The following FAM83H variants were observed in gnomAD, a reference collection of about 807,000 sequenced individuals.
FAM83H encodes the protein protein FAM83H.
In FAM83H, 24 loss-of-function variants were observed where a neutral mutation model predicts 30.2. The observed-to-expected ratio is 0.79, with a 90% CI of 0.57 to 1.12. The LOEUF (loss-of-function observed/expected upper bound fraction) is 1.12. Ranked by LOEUF, FAM83H falls within the 50% of genes most tolerant of loss-of-function variation. The pLI is 0.00. For missense variants in FAM83H, 2,038 were observed against 1,773.9 expected, an observed-to-expected ratio of 1.15 and a Z score of -2.67; for synonymous variants, 1,013 against 821.7, an observed-to-expected ratio of 1.23 and a Z score of -3.98.
In FAM83H at chr8:143,725,328, G is replaced by T. The variant is rs945812563; in HGVS notation, c.*593C>A. The T allele has an allele frequency of 6.2e-6, 1 of 162,580 alleles. No homozygotes were observed. Among genetic ancestry groups the T allele is most frequent in the Non-Finnish European group, 1.4e-5 (1 of 73,980 alleles). 10.1% of individuals were successfully genotyped at this position (162,580 alleles called of 1,614,324 possible). On this transcript the variant is annotated 3_prime_UTR_variant, in exon 5 of 5. Transcript: ENST00000388913. ...GATAGGGGACTTAGCGGGGTGCAAG[G>T]CTCACGCCTGTAATCCCCCCACTTT...
Position 143,726,108 on chromosome 8 carries a change from C to G in FAM83H, c.3353G>C (p.Arg1118Pro), listed in dbSNP as rs562853347. Reference sequence around the variant, plus strand: ...CATGCTCTCCATGCGGCGCAGCAGCCGATCGCGCTCCTCCGCGCTGGCTGG... The same window carrying G: ...CATGCTCTCCATGCGGCGCAGCAGCGGATCGCGCTCCTCCGCGCTGGCTGG... ...TLPASAEERD[R>P]LLRRMESMRK... The change falls in exon 5 of 5, where the codon CGG becomes CCG. Residue 1118 changes from arginine (R) to proline (P), a missense_variant. By Grantham distance (103) the Arg-to-Pro change is moderately radical. Coordinates refer to ENST00000388913, the MANE Select transcript of FAM83H (RefSeq NM_198488.5). 2 of 1,611,408 alleles carry G rather than the reference C, an allele frequency of 1.2e-6. No homozygotes were observed. Among genetic ancestry groups the G allele is most frequent in the Non-Finnish European group, 1.7e-6 (2 of 1,179,298 alleles).
Position 143,727,164 on chromosome 8 carries a change from G to A in FAM83H, c.2297C>T (p.Ser766Phe). 1 of 1,534,434 alleles carries A rather than the reference G, an allele frequency of 6.5e-7. No individual in the cohort carries two copies. Among genetic ancestry groups the A allele is most frequent in the Non-Finnish European group, 8.7e-7 (1 of 1,146,086 alleles). The change falls in exon 5 of 5, where the codon TCC (serine) becomes TTC (phenylalanine). Residue 766 changes from serine (S) to phenylalanine (F), a missense_variant. Ser to Phe is a radical substitution (Grantham distance 155). Transcript: ENST00000388913. ...CGCCACCTCTTCCCGCCACGCCTGG[G>A]ACACGACGGCCTTGCTGTGGCTGGC... is the stretch of plus-strand genomic sequence containing the variant. ...TVASHSKAVV[S>F]QAWREEVAAP...
rs374634673 is a variant in FAM83H, at chr8:143,725,985, G to A, written c.3476C>T (p.Thr1159Ile). ...GAACTTGCCCACCTTGCTGTCCCTGGTGCCCTCCTCCGCGGGGCCTTCCCC... is the reference window on the plus strand; with the variant it reads ...GAACTTGCCCACCTTGCTGTCCCTGATGCCCTCCTCCGCGGGGCCTTCCCC... ...GAGEGPAEEG[T>I]RDSKVGKFVP... Residue 1159 changes from threonine (T) to isoleucine (I), a missense_variant, in exon 5 of 5, where the codon ACC (threonine) becomes ATC (isoleucine). Coordinates refer to ENST00000388913, the MANE Select transcript of FAM83H (RefSeq NM_198488.5). The A allele has an allele frequency of 1.1e-5, 17 of 1,612,930 alleles. No homozygotes were observed. In the South Asian group the frequency reaches 1.4e-4, roughly 14 times the overall value.
rs782789374 is a variant in FAM83H, at chr8:143,728,058, C to A, written c.1403G>T (p.Arg468Leu). Residue 468 changes from arginine to leucine, a missense_variant, in exon 5 of 5, where the codon CGC (arginine) becomes CTC (leucine). Arg to Leu is a moderately radical substitution (Grantham distance 102, BLOSUM62 -2). Transcript: ENST00000388913. ...AAGCTTCTCGAACAGGCCTTGCGGG[C>A]GCGCCGGCGTGAGCTGCGGGTCCCA... ...YQWDPQLTPA[R>L]PQGLFEKLRG... 1.2e-5 allele frequency: 20 copies of A among 1,609,768 alleles called. No individual in the cohort carries two copies. Among genetic ancestry groups the A allele is most frequent in the Admixed American group, 1.7e-5 (1 of 59,940 alleles).
Position 143,726,663 on chromosome 8 carries a change from C to T in FAM83H, c.2798G>A (p.Arg933His), listed in dbSNP as rs782448672. ...GATGGTAAGGGTGAGGCTGCCCCTG[C>T]GCTCCGGCACGGGGGGCACCGGACT... Reference protein sequence around the residue: ...RSSPVPPVPERRGSLTLTISG... With the variant: ...RSSPVPPVPEHRGSLTLTISG... Residue 933 changes from arginine (R) to histidine (H), a missense_variant, in exon 5 of 5, where the codon CGC becomes CAC. Arg to His is a conservative substitution (Grantham distance 29, BLOSUM62 0). Transcript: ENST00000388913. 4 of 1,594,404 alleles carry T rather than the reference C, an allele frequency of 2.5e-6. No homozygotes were observed. The highest frequency in any genetic ancestry group is 4.5e-5 in the East Asian group (2 of 44,600).
rs1554620959 is a variant in FAM83H at position 143,724,659 on chromosome 8, G to A, written c.*1262C>T. ...CACCTGCAGGGGTGCCCAGGACCTAGTTGGGCTCGGCCTCAGCTGCACCTT... is the reference window on the plus strand; with the variant it reads ...CACCTGCAGGGGTGCCCAGGACCTAATTGGGCTCGGCCTCAGCTGCACCTT... On this transcript the variant is annotated 3_prime_UTR_variant, in exon 5 of 5. Transcript: ENST00000388913. 1 of 152,330 alleles carries A rather than the reference G, an allele frequency of 6.6e-6. No homozygotes were observed. Among genetic ancestry groups the A allele is most frequent in the African/African-American group, 2.4e-5 (1 of 41,444 alleles). 9.4% of individuals were successfully genotyped at this position (152,330 alleles called of 1,614,324 possible). A position where few individuals can be genotyped will look rare whatever the true frequency, so the allele number is the denominator to read the frequency against.
At position 143,728,036 on chromosome 8, in the gene FAM83H, C is replaced by G; in HGVS notation, c.1425G>C (p.Lys475Asn). 6.2e-7 allele frequency: 1 copy of G among 1,607,798 alleles called. No homozygotes were observed. Among genetic ancestry groups the G allele is most frequent in the Non-Finnish European group, 8.5e-7 (1 of 1,179,124 alleles). ...CGAAACCCGCGCGGCCCCCGCGAAG[C>G]TTCTCGAACAGGCCTTGCGGGCGCG... ...TPARPQGLFE[K>N]LRGGRAGFAD... The change falls in exon 5 of 5, where the codon AAG (lysine) becomes AAC (asparagine). Residue 475 changes from lysine (K) to asparagine (N), a missense_variant. Transcript: ENST00000388913.
chr8:143,726,522 C>A lies in FAM83H; in HGVS notation c.2939G>T (p.Arg980Leu). 6.2e-7 allele frequency: 1 copy of A among 1,605,898 alleles called. No homozygotes were observed. Among genetic ancestry groups the A allele is most frequent in the East Asian group, 2.2e-5 (1 of 44,856 alleles). The change falls in exon 5 of 5, where the codon CGC becomes CTC. Residue 980 changes from arginine to leucine, a missense_variant. Transcript: ENST00000388913. ...RQLLSPKGERRMEDEGGFPVP... is the reference protein window; with the variant it reads ...RQLLSPKGERLMEDEGGFPVP... Reference sequence around the variant, plus strand: ...TGGGAAGCCACCCTCATCCTCCATGCGCCGCTCGCCCTTGGGGCTCAGCAG... The same window carrying A: ...TGGGAAGCCACCCTCATCCTCCATGAGCCGCTCGCCCTTGGGGCTCAGCAG...
chr8:143,728,845 A>G, intron 4 of FAM83H, 122 bp from the exon 5 acceptor site: 1 of 1,596,488 alleles, frequency 6.3e-7, no homozygotes, highest in African/African-American at 1.3e-5. Flanking sequence ...GGGCCCGGCT[A>G]GGCTGTGCAG....
Position 143,729,258 on chromosome 8 carries a change from C to A in FAM83H, c.513G>T (p.Ala171=). 1 of 1,613,422 alleles carries A rather than the reference C, an allele frequency of 6.2e-7. No homozygotes were observed. Among genetic ancestry groups the A allele is most frequent in the South Asian group, 1.1e-5 (1 of 91,088 alleles). Residue 171 remains alanine (A), a synonymous_variant, in exon 3 of 5, where the codon GCG becomes GCT. Coordinates refer to ENST00000388913, the MANE Select transcript of FAM83H (RefSeq NM_198488.5). ...VDLLSEVLEA[A]ARRVPVYILL... ...GGATGTAGACTGGGACCCGACGGGC[C>A]GCGGCCTCCAGCACTTCGCTGAGCA...
chr8:143,729,839 C>T (rs927128310), intron 2 of FAM83H, among the ~76,000 whole-genome samples: 2 of 152,222 alleles, frequency 1.3e-5, no homozygotes, highest in Admixed American at 6.5e-5. Flanking sequence ...CAAGGGCCAC[C>T]GGGCAGGATG....
chr8:143,725,190 T>G lies in FAM83H; in HGVS notation c.*731A>C. 1 of 89,908 alleles carries G rather than the reference T, an allele frequency of 1.1e-5. No individual in the cohort carries two copies. The highest frequency in any genetic ancestry group is 2.2e-5 in the Non-Finnish European group (1 of 45,676). 5.6% of individuals were successfully genotyped at this position (89,908 alleles called of 1,614,324 possible). A position where few individuals can be genotyped will look rare whatever the true frequency, so the allele number is the denominator to read the frequency against. On this transcript the variant is annotated 3_prime_UTR_variant, in exon 5 of 5. Transcript: ENST00000388913. ...GGGGGGGGGAGGGAAGGAGGAGACC[T>G]TGAGAGAGGGAGGGAGCGGGGAGGG...
chr8:143,726,374 G>A lies in FAM83H; in HGVS notation c.3087C>T (p.Asn1029=), dbSNP rs768891623. The change falls in exon 5 of 5, where the codon AAC becomes AAT. Residue 1029 remains asparagine, a synonymous_variant. Coordinates refer to ENST00000388913, the MANE Select transcript of FAM83H (RefSeq NM_198488.5). The part of the protein sequence containing the change: ...PRARLSSATA[N]ALYSSNLRDD... Reference sequence around the variant, plus strand: ...CCCGAAGGTTGCTGCTGTACAAGGCGTTGGCCGTGGCTGAGGACAGGCGCG... The same window carrying A: ...CCCGAAGGTTGCTGCTGTACAAGGCATTGGCCGTGGCTGAGGACAGGCGCG... The A allele has an allele frequency of 3.7e-6, 6 of 1,610,662 alleles. No individual in the cohort carries two copies. The highest frequency in any genetic ancestry group is 4.2e-6 in the Non-Finnish European group (5 of 1,179,396).
In FAM83H at chr8:143,728,296, C is replaced by T; in HGVS notation, c.1165G>A (p.Glu389Lys). ...AAGAAGCCCCGCGCGCCCGCGAGCT[C>T]CCCAGCCGGCCCGGCCTCGGCCTCC... ...RLEAEAGPAG[E>K]LAGARGFFQA... Residue 389 changes from glutamate (E) to lysine (K), a missense_variant, in exon 5 of 5, where the codon GAG becomes AAG. Physicochemically the swap from Glu to Lys is moderately conservative, Grantham distance 56. Coordinates refer to ENST00000388913, the MANE Select transcript of FAM83H (RefSeq NM_198488.5). 1 of 1,476,334 alleles carries T rather than the reference C, an allele frequency of 6.8e-7. No individual in the cohort carries two copies. The allele number at this position is 1,476,334 out of a possible 1,614,324, so 91.5% of individuals were successfully genotyped here.
rs1177130344 is a variant in FAM83H, at chr8:143,730,613, G to A, written c.-15-16C>T. The stretch of plus-strand genomic sequence containing the variant: ...GGCCAGGGGCCTGGAGGGGCAGGGA[G>A]ACACATGACTAGGGGTGGGGGCACT... On this transcript the variant is annotated splice_polypyrimidine_tract_variant and intron_variant, in intron 1 of 4. Transcript: ENST00000388913. 6.7e-7 allele frequency: 1 copy of A among 1,502,032 alleles called. No individual in the cohort carries two copies. The highest frequency in any genetic ancestry group is 1.3e-5 in the South Asian group (1 of 76,994). The allele number at this position is 1,502,032 out of a possible 1,614,324, so 93.0% of individuals were successfully genotyped here. A position where few individuals can be genotyped will look rare whatever the true frequency, so the allele number is the denominator to read the frequency against.
rs1449974042 is a variant in FAM83H, at chr8:143,726,734, G to A, written c.2727C>T (p.Pro909=). 20 of 1,611,542 alleles carry A rather than the reference G, an allele frequency of 1.2e-5. No individual in the cohort carries two copies. Among genetic ancestry groups the A allele is most frequent in the Non-Finnish European group, 1.7e-5 (20 of 1,179,644 alleles). ...GGGGCACCGGACTACCCCTGCGCTC[G>A]GGGTAGGCTGAGGTGGGGCTCCCCT... ...EQKGSPTSAY[P]ERRGSPVPPV... The change falls in exon 5 of 5, where the codon CCC becomes CCT. Residue 909 remains proline, a synonymous_variant. Transcript: ENST00000388913.
At chr8:143,728,836 G>A in intron 4 of FAM83H, 113 bp from the exon 5 acceptor site, 1 of 1,593,642 alleles carries the variant, frequency 6.3e-7, no homozygotes, top group Non-Finnish European at 8.5e-7. Context: ...CAAGGACCTG[G>A]GCCCGGCTAG....
At position 143,730,281 on chromosome 8, in the gene FAM83H, T is replaced by A; in HGVS notation, c.302A>T (p.Asp101Val). ...CAAATCAAGCTCAGGCACGGCCTGG[T>A]CTGAGTTCACTGGCCAGTATGTACC... is the stretch of plus-strand genomic sequence containing the variant. ...SSGTYWPVNS[D>V]QAVPELDLGW... Residue 101 changes from aspartate (D) to valine (V), a missense_variant, in exon 2 of 5, where the codon GAC becomes GTC. Transcript: ENST00000388913. 6.2e-7 allele frequency: 1 copy of A among 1,613,452 alleles called. No homozygotes were observed. The highest frequency in any genetic ancestry group is 1.3e-5 in the African/African-American group (1 of 75,038).
In FAM83H at chr8:143,728,621, C is replaced by A. The variant is rs781980675; in HGVS notation, c.840G>T (p.Gln280His). 6.2e-7 allele frequency: 1 copy of A among 1,609,802 alleles called. No individual in the cohort carries two copies. Among genetic ancestry groups the A allele is most frequent in the South Asian group, 1.1e-5 (1 of 91,010 alleles). Residue 280 changes from glutamine to histidine, a missense_variant, in exon 5 of 5, where the codon CAG becomes CAT. Gln to His is a conservative substitution (Grantham distance 24, BLOSUM62 0). Coordinates refer to ENST00000388913, the MANE Select transcript of FAM83H (RefSeq NM_198488.5). Reference sequence around the variant, plus strand: ...CGGCCGAGGGCACAAGCGGCTCGGACTGCGCGAAGAGGATGCGGAACTCCT... The same window carrying A: ...CGGCCGAGGGCACAAGCGGCTCGGAATGCGCGAAGAGGATGCGGAACTCCT... ...FDEEFRILFA[Q>H]SEPLVPSAAA...
Sources: allele counts gnomAD v4.1 joint callset (sites outside exome capture counted in the v4.1 genomes callset), GRCh38; gene constraint gnomAD v4.1.1; transcripts MANE v1.5; gene names NCBI Gene and HGNC (gene_info 2026-07-23, HGNC 2026-07-21).